ABCA9: variants seen among roughly 807,000 people sequenced by gnomAD.
ABCA9 encodes ATP binding cassette subfamily A member 9, also known as ATP-binding cassette sub-family A member 9.
Under a neutral mutation model 205.3 loss-of-function variants are expected in ABCA9, and 183 were observed. The ratio of observed to expected loss-of-function variants is 0.89; its 90% CI spans 0.79 to 1.01. The LOEUF is 1.01. Ranked by LOEUF, ABCA9 falls within the 50% of genes least tolerant of loss-of-function variation. ABCA9 has a pLI of 0.00. For missense variants in ABCA9, 1,805 were observed against 1,912.4 expected (o/e 0.94, Z 1.05); for synonymous variants, 651 against 683.3 (o/e 0.95, Z 0.74).
chr17:69,001,586 G>A (rs2069871722), intron 25 of ABCA9, among the ~76,000 whole-genome samples: 3 of 151,448 alleles, frequency 2.0e-5, no homozygotes, highest in Non-Finnish European at 2.9e-5. Context: ...CTCTTTTTTG[G>A]TTGTGTCTCT....
intron 26 of ABCA9, among the ~76,000 whole-genome samples, chr17:68,993,435 T>G (rs2069519745): frequency 6.6e-6 from 1 of 152,236 alleles, no homozygotes; most frequent in Non-Finnish European, 1.5e-5. Context: ...ATTTGTGCTC[T>G]TCCCTCGATT....
chr17:68,990,013 T>C lies in ABCA9; in HGVS notation c.3838-83A>G, dbSNP rs944592375. 4 of 981,252 alleles carry C rather than the reference T, an allele frequency of 4.1e-6. No individual in the cohort carries two copies. The African/African-American group carries it at 4.9e-5, about 12-fold the overall frequency. 60.8% of individuals were successfully genotyped at this position (981,252 alleles called of 1,614,324 possible). On this transcript the variant is annotated intron_variant, in intron 29 of 38. Transcript: ENST00000340001. The stretch of plus-strand genomic sequence containing the variant: ...TTCCACACTCTTGTCACCAAACCTT[T>C]CCTTATAAAAAATCATGAATCAAAC...
At chr17:68,991,665 CA>C (rs1294707203) in intron 28 of ABCA9, among the ~76,000 whole-genome samples, 2 of 152,176 alleles carry the variant, frequency 1.3e-5, no homozygotes, top group Non-Finnish European at 2.9e-5. Context: ...GCTAAGTGTT[CA>C]AGACACATTG....
upstream of ABCA9, chr17:69,061,292 G>A (rs1387636091): frequency 3.7e-6 from 1 of 267,796 alleles, no homozygotes; most frequent in African/African-American, 2.3e-5. Flanking sequence ...CCAATCCAGA[G>A]AAGAGTAGAG....
In ABCA9 at chr17:69,023,006, T is replaced by C. The variant is rs73370051; in HGVS notation, c.2282-1145A>G. ...TCAGCTAAAACTTTGCTGTGTGATC[T>C]TCACAAAGATTTCTGTTTTTATAAG... is the stretch of plus-strand genomic sequence containing the variant. On this transcript the variant is annotated intron_variant, in intron 17 of 38. Transcript: ENST00000340001. The surrounding 1 kb of genome is among the most constrained non-coding windows in gnomAD (Gnocchi z 4.2). Among the ~76,000 whole-genome samples the C allele has an allele frequency of 8.3e-3, 1,260 of 152,340 alleles. 16 individuals are homozygous for C. Among genetic ancestry groups the C allele is most frequent in the African/African-American group, 0.026 (1,085 of 41,580 alleles).
At chr17:69,060,715 CAAAAT>C (rs1350293941) in intron 1 of ABCA9, among the ~76,000 whole-genome samples, 146 bp downstream of exon 1, 2 of 152,100 alleles carry the variant, frequency 1.3e-5, no homozygotes, top group Non-Finnish European at 2.9e-5. Context: ...TTTAGACATA[CAAAAT>C]AAAATAGATG....
rs553777966 is a variant in ABCA9, at chr17:69,003,484, T to G, written c.3435+4275A>C. Among the ~76,000 whole-genome samples the G allele has an allele frequency of 2.4e-3, 322 of 133,664 alleles. 2 individuals carry two copies. Among genetic ancestry groups the G allele is most frequent in the African/African-American group, 8.6e-3 (295 of 34,372 alleles). The allele number at this position is 133,664 out of a possible 152,430, so 87.7% of individuals were successfully genotyped here. ...GGCTTGTAGGGTTTCTGCCGAGAGA[T>G]CCACTGTTAGTCTGATGGGCTTCCC... On this transcript the variant is annotated intron_variant, in intron 25 of 38. Coordinates refer to ENST00000340001, the MANE Select transcript of ABCA9 (RefSeq NM_080283.4).
chr17:69,032,471 G>A (rs1457485250), intron 9 of ABCA9, 195 bp from the exon 10 acceptor site: 15 of 468,824 alleles, frequency 3.2e-5, no homozygotes, highest in African/African-American at 5.9e-5. Context: ...CTAATATGAC[G>A]TTTTTAACAT....
intron 31 of ABCA9, 95 bp from the exon 32 acceptor site, chr17:68,986,419 A>G (rs1015197071): frequency 1.5e-5 from 19 of 1,251,284 alleles, no homozygotes; most frequent in Non-Finnish European, 2.0e-5. Flanking sequence ...TTCTCTTCAC[A>G]CACACAGGTG....
At chr17:68,995,678 T>C (rs1165480078) in intron 26 of ABCA9, among the ~76,000 whole-genome samples, 1 of 117,600 alleles carries the variant, frequency 8.5e-6, no homozygotes, top group Non-Finnish European at 1.8e-5. Context: ...ACTTCCACTC[T>C]CCTGGAGTTG....
chr17:69,044,142 A>G (rs2071636614), intron 5 of ABCA9, among the ~76,000 whole-genome samples: 1 of 152,168 alleles, frequency 6.6e-6, no homozygotes, highest in Non-Finnish European at 1.5e-5. Context: ...GCAGTGAGCT[A>G]TAATCATGTC....
chr17:68,987,736 GT>G (rs1426405231), intron 31 of ABCA9, among the ~76,000 whole-genome samples: 2,255 of 144,108 alleles, frequency 0.016, 26 homozygotes, highest in Middle Eastern at 0.039. Context: ...CCTCATTTGC[GT>G]TTTTTTTTGT....
In ABCA9 at chr17:69,035,583, C is replaced by A. The variant is rs543149248; in HGVS notation, c.942+77G>T. On this transcript the variant is annotated intron_variant, in intron 7 of 38. Coordinates refer to ENST00000340001, the MANE Select transcript of ABCA9 (RefSeq NM_080283.4). Reference sequence around the variant, plus strand: ...TACAAAGAGAACAAAAGAGGTGAGACCAGAATTAGTGATAAATTATTGGCA... The same window carrying A: ...TACAAAGAGAACAAAAGAGGTGAGAACAGAATTAGTGATAAATTATTGGCA... The A allele has an allele frequency of 2.0e-4, 316 of 1,554,372 alleles. 1 individual carries two copies. Among genetic ancestry groups the A allele is most frequent in the Middle Eastern group, 8.9e-4 (5 of 5,626 alleles).
chr17:69,047,672 T>G (rs2071763593), intron 3 of ABCA9, among the ~76,000 whole-genome samples: 1 of 152,218 alleles, frequency 6.6e-6, no homozygotes, highest in South Asian at 2.1e-4. Context: ...TCTGCAAGTT[T>G]GCAAGGATTT....
chr17:68,998,298 T>C (rs2069705930), intron 25 of ABCA9, among the ~76,000 whole-genome samples: 1 of 152,204 alleles, frequency 6.6e-6, no homozygotes, highest in Non-Finnish European at 1.5e-5. Context: ...TTTTAAAACG[T>C]TTACTTCCAC....
intron 16 of ABCA9, among the ~76,000 whole-genome samples, chr17:69,025,626 T>C (rs561419702): frequency 2.0e-5 from 3 of 152,296 alleles, no homozygotes; most frequent in Admixed American, 1.3e-4. Context: ...TTAGCCACTT[T>C]GAGTAAAAAA....
intron 1 of ABCA9, among the ~76,000 whole-genome samples, chr17:69,054,132 GACAA>G (rs1197210027): frequency 6.6e-6 from 1 of 152,100 alleles, no homozygotes. Flanking sequence ...TACTTTCTCA[GACAA>G]ACAAAAAATG....
intron 10 of ABCA9, among the ~76,000 whole-genome samples, chr17:69,030,261 C>G (rs2144356932): frequency 6.6e-6 from 1 of 152,286 alleles, no homozygotes; most frequent in Middle Eastern, 3.4e-3. Flanking sequence ...ATTCCAAGAT[C>G]AAGGTGTCAA....
At chr17:68,998,272 T>C (rs2069704716) in intron 25 of ABCA9, among the ~76,000 whole-genome samples, 1 of 152,240 alleles carries the variant, frequency 6.6e-6, no homozygotes, top group African/African-American at 2.4e-5. Flanking sequence ...GACCAACTAA[T>C]ATTTTTCAGT....
Sources: allele counts gnomAD v4.1 joint callset (sites outside exome capture counted in the v4.1 genomes callset), GRCh38; gene constraint gnomAD v4.1.1; non-coding constraint Gnocchi (gnomAD v3.1); transcripts MANE v1.5; gene names NCBI Gene and HGNC (gene_info 2026-07-23, HGNC 2026-07-21).